SMYD4: variants seen among roughly 807,000 people sequenced by gnomAD.
SMYD4 encodes SET and MYND domain containing 4.
A neutral mutation model predicts 72.8 loss-of-function variants in SMYD4; 68 were observed. The observed-to-expected ratio is 0.93, with a 90% confidence interval of 0.77 to 1.14. The LOEUF is 1.14. Ranked by LOEUF, SMYD4 falls within the 50% of genes most tolerant of loss-of-function variation. The pLI is 0.00. For missense variants in SMYD4, 984 were observed against 1,003.7 expected (o/e 0.98, Z 0.27); for synonymous variants, 407 against 388.6 (o/e 1.05, Z -0.56).
chr17:1,816,491 G>A (rs193117881), intron 2 of SMYD4, among the ~76,000 whole-genome samples: 1 of 151,544 alleles, frequency 6.6e-6, no homozygotes, highest in East Asian at 2.0e-4. Flanking sequence ...GTGGTGGTGC[G>A]TGTGTGTAAT....
intron 4 of SMYD4, among the ~76,000 whole-genome samples, chr17:1,802,441 C>T (rs1276353071): frequency 1.3e-5 from 2 of 152,092 alleles, no homozygotes; most frequent in Non-Finnish European, 2.9e-5. Flanking sequence ...TCACAGTTAG[C>T]TATGATCGAG....
At chr17:1,801,217 T>C (rs1909729482) in intron 4 of SMYD4, among the ~76,000 whole-genome samples, 193 bp from the exon 5 acceptor site, 1 of 150,788 alleles carries the variant, frequency 6.6e-6, no homozygotes, top group African/African-American at 2.5e-5. Context: ...AGGATATTGT[T>C]ATGCTTAATG....
chr17:1,784,956 ATT>A (rs200345837), intron 7 of SMYD4, among the ~76,000 whole-genome samples: 27 of 141,340 alleles, frequency 1.9e-4, no homozygotes, highest in Admixed American at 1.4e-4. Flanking sequence ...TGTGTTATTT[ATT>A]TTTTTTTTTT....
chr17:1,814,013 C>A (rs1323032491), intron 2 of SMYD4, among the ~76,000 whole-genome samples: 1 of 152,196 alleles, frequency 6.6e-6, no homozygotes, highest in East Asian at 1.9e-4. Flanking sequence ...AAGAAGAAAT[C>A]ACAGAGCTGC....
chr17:1,822,850 T>C (rs536722513), intron 2 of SMYD4, among the ~76,000 whole-genome samples: 3 of 152,152 alleles, frequency 2.0e-5, no homozygotes, highest in African/African-American at 4.8e-5. Flanking sequence ...TTATTCACAA[T>C]AACAACAAAA....
At chr17:1,815,653 G>C in intron 2 of SMYD4, among the ~76,000 whole-genome samples, 1 of 134,812 alleles carries the variant, frequency 7.4e-6, no homozygotes, top group African/African-American at 3.0e-5. Context: ...GCAAGACCCT[G>C]CCTTAAAAAA....
chr17:1,828,071 C>A, intron 1 of SMYD4, 65 bp from the exon 2 acceptor site: 1 of 1,537,114 alleles, frequency 6.5e-7, no homozygotes. Flanking sequence ...AAGAGTTCAG[C>A]CAGGTACGGT....
intron 5 of SMYD4, among the ~76,000 whole-genome samples, chr17:1,788,745 A>C (rs1343155832): frequency 6.7e-6 from 1 of 148,362 alleles, no homozygotes; most frequent in Non-Finnish European, 1.5e-5. Context: ...CCCGCCTCCA[A>C]AAAAAAAAAA....
intron 5 of SMYD4, among the ~76,000 whole-genome samples, chr17:1,797,857 C>G (rs1301062605): frequency 6.6e-6 from 1 of 152,068 alleles, no homozygotes; most frequent in African/African-American, 2.4e-5. Context: ...CAAAAATTAG[C>G]TGGGCGTGGG....
intron 2 of SMYD4, among the ~76,000 whole-genome samples, chr17:1,818,043 T>C (rs943343437): frequency 1.7e-4 from 6 of 35,678 alleles, no homozygotes; most frequent in African/African-American, 3.8e-4. Context: ...CAAGACTCTG[T>C]CTCAAAAAAA....
chr17:1,791,637 TC>T (rs1909035324), intron 5 of SMYD4, among the ~76,000 whole-genome samples: 1 of 152,204 alleles, frequency 6.6e-6, no homozygotes, highest in Admixed American at 6.6e-5. Flanking sequence ...AGTGGAACTT[TC>T]CTGGAGGGCA....
chr17:1,799,833 C>T (rs774229974), intron 5 of SMYD4, 24 bp downstream of exon 5: 2 of 1,525,240 alleles, frequency 1.3e-6, no homozygotes, highest in African/African-American at 2.8e-5. Context: ...TATTGAAAAG[C>T]AGGAACATCA....
At chr17:1,822,516 C>G (rs1399378298) in intron 2 of SMYD4, among the ~76,000 whole-genome samples, 1 of 152,176 alleles carries the variant, frequency 6.6e-6, no homozygotes, top group Non-Finnish European at 1.5e-5. Context: ...ATTATATAAG[C>G]TATTTCAGAG....
intron 10 of SMYD4, 67 bp downstream of exon 10, chr17:1,782,968 A>G: frequency 6.4e-7 from 1 of 1,552,838 alleles, no homozygotes; most frequent in Non-Finnish European, 8.7e-7. Context: ...CCATAGAAAA[A>G]AAGTAATACC....
chr17:1,817,504 G>A (rs1256964003), intron 2 of SMYD4, among the ~76,000 whole-genome samples: 3 of 145,214 alleles, frequency 2.1e-5, no homozygotes, highest in Non-Finnish European at 4.7e-5. Context: ...ACCATGCCTG[G>A]CTATATTATT....
At chr17:1,789,767 A>C (rs1207007095) in intron 5 of SMYD4, among the ~76,000 whole-genome samples, 2 of 151,302 alleles carry the variant, frequency 1.3e-5, no homozygotes, top group East Asian at 1.9e-4. Context: ...TCTGTCTCAA[A>C]AAAAAAAAAA....
intron 8 of SMYD4, 142 bp from the exon 9 acceptor site, chr17:1,783,618 T>G: frequency 2.9e-6 from 4 of 1,383,828 alleles, no homozygotes; most frequent in Non-Finnish European, 3.8e-6. Context: ...CAACGCACAA[T>G]GTCTGTTCCA....
chr17:1,807,875 C>G (rs533238701), intron 3 of SMYD4, among the ~76,000 whole-genome samples: 13 of 152,076 alleles, frequency 8.5e-5, no homozygotes, highest in South Asian at 2.1e-4. Context: ...ATCATGTGGT[C>G]AGGGGACAGG....
intron 4 of SMYD4, among the ~76,000 whole-genome samples, chr17:1,802,463 C>T (rs1343203093): frequency 6.6e-6 from 1 of 152,078 alleles, no homozygotes; most frequent in African/African-American, 2.4e-5. Flanking sequence ...CACTGCACTC[C>T]AGCCTGGGTA....
Sources: gnomAD v4.1 joint callset for allele counts (sites outside exome capture counted in the v4.1 genomes callset) on GRCh38, gnomAD v4.1.1 for gene constraint, MANE v1.5 for transcripts, NCBI Gene and HGNC (gene_info 2026-07-23, HGNC 2026-07-21) for gene names.